The following ARHGAP22 variants were observed in gnomAD, a reference collection of about 807,000 sequenced individuals.
The protein encoded by ARHGAP22 is Rho GTPase activating protein 22, also known as rho GTPase-activating protein 22.
A neutral mutation model predicts 59.1 loss-of-function variants in ARHGAP22; 48 were observed. The observed-to-expected ratio is 0.81, with a 90% CI of 0.64 to 1.03. The LOEUF (loss-of-function observed/expected upper bound fraction) is 1.03, where lower values mean the gene tolerates loss of function less well. ARHGAP22 is among the 50% of genes least tolerant of loss of function. The pLI, the probability that ARHGAP22 is intolerant of heterozygous loss-of-function variation, is 0.00. For missense variants in ARHGAP22, 1,015 were observed against 958.7 expected, an observed-to-expected ratio of 1.06 and a Z score of -0.78; for synonymous variants, 445 against 416.4, an observed-to-expected ratio of 1.07 and a Z score of -0.84.
chr10:48,463,055 A>T (rs2047306912), intron 4 of ARHGAP22, among the ~76,000 whole-genome samples: 1 of 152,250 alleles, frequency 6.6e-6, no homozygotes, highest in Non-Finnish European at 1.5e-5. Flanking sequence ...AGTTATTTAT[A>T]ATCAAGAGAT....
chr10:48,550,439 A>G (rs1158732329), intron 3 of ARHGAP22, among the ~76,000 whole-genome samples: 1 of 152,110 alleles, frequency 6.6e-6, no homozygotes, highest in Non-Finnish European at 1.5e-5. Context: ...AAAGAGGTGG[A>G]CTCCATTTCC....
At chr10:48,619,635 T>G (rs1383578458) in intron 1 of ARHGAP22, among the ~76,000 whole-genome samples, 1 of 152,158 alleles carries the variant, frequency 6.6e-6, no homozygotes, top group Non-Finnish European at 1.5e-5. Context: ...ACTGGATATC[T>G]ATGTGATCTA....
chr10:48,495,450 G>C (rs1290844656), intron 3 of ARHGAP22, among the ~76,000 whole-genome samples: 1 of 152,184 alleles, frequency 6.6e-6, no homozygotes, highest in Non-Finnish European at 1.5e-5. Context: ...TGACTAATAA[G>C]ATGTATCTTC....
At chr10:48,526,128 T>C (rs1564820162) in intron 3 of ARHGAP22, among the ~76,000 whole-genome samples, 1 of 151,812 alleles carries the variant, frequency 6.6e-6, no homozygotes, top group Non-Finnish European at 1.5e-5. Flanking sequence ...CACAATTCCA[T>C]TTGGGGAGAA....
intron 1 of ARHGAP22, among the ~76,000 whole-genome samples, chr10:48,624,593 C>G (rs544835366): frequency 1.8e-4 from 27 of 152,318 alleles, no homozygotes; most frequent in African/African-American, 6.3e-4. Context: ...GCCCAAGTCC[C>G]TTTCCTTCAA....
intron 2 of ARHGAP22, 149 bp downstream of exon 2, chr10:48,582,804 A>G (rs925108883): frequency 5.9e-6 from 5 of 845,844 alleles, no homozygotes; most frequent in Non-Finnish European, 7.2e-6. Context: ...CATGGGGGAT[A>G]AGAATGAAAA....
At chr10:48,597,306 C>T (rs939169328) in intron 1 of ARHGAP22, among the ~76,000 whole-genome samples, 2 of 151,986 alleles carry the variant, frequency 1.3e-5, no homozygotes, top group Non-Finnish European at 2.9e-5. Flanking sequence ...ATTCTCCTAC[C>T]CACGGCCTGT....
At chr10:48,592,572 T>G (rs1201969492) in intron 1 of ARHGAP22, among the ~76,000 whole-genome samples, 1 of 152,196 alleles carries the variant, frequency 6.6e-6, no homozygotes, top group Non-Finnish European at 1.5e-5. Context: ...CCCGTCTTCC[T>G]GACCTCTCAG....
At chr10:48,459,333 A>G (rs1175129136) in intron 5 of ARHGAP22, among the ~76,000 whole-genome samples, 1 of 133,880 alleles carries the variant, frequency 7.5e-6, no homozygotes, top group African/African-American at 2.7e-5. Flanking sequence ...AGCACGGCCA[A>G]GAGACAGACC....
At chr10:48,559,060 C>T (rs116778966) in intron 2 of ARHGAP22, among the ~76,000 whole-genome samples, 1,664 of 152,324 alleles carry the variant, frequency 0.011, 28 homozygotes, top group African/African-American at 0.037. Context: ...GTTTCTGGCA[C>T]CTCAGACAGT....
chr10:48,443,272 G>GTCAAT (rs1001666545), downstream of ARHGAP22, among the ~76,000 whole-genome samples: 113 of 152,172 alleles, frequency 7.4e-4, no homozygotes, highest in African/African-American at 2.6e-3. Context: ...CAAAATGGAA[G>GTCAAT]TCAATTCATG....
chr10:48,522,982 A>G (rs2053948129), intron 3 of ARHGAP22, among the ~76,000 whole-genome samples: 1 of 152,250 alleles, frequency 6.6e-6, no homozygotes, highest in African/African-American at 2.4e-5. Flanking sequence ...TATATATGTT[A>G]TAAGCTACTT....
In ARHGAP22 at chr10:48,459,873, A is replaced by G; in HGVS notation, c.470T>C (p.Leu157Pro). The G allele has an allele frequency of 6.2e-7, 1 of 1,612,582 alleles. No homozygotes were observed. The highest frequency in any genetic ancestry group is 2.2e-5 in the East Asian group (1 of 44,880). The change falls in exon 5 of 10, where the codon CTA becomes CCA. Residue 157 changes from leucine (L) to proline (P), a missense_variant. Coordinates refer to ENST00000249601, the MANE Select transcript of ARHGAP22 (RefSeq NM_021226.4). The part of the protein sequence containing the change: ...PLGGGIFGQR[L>P]EETVHHERKY... The stretch of plus-strand genomic sequence containing the variant: ...CCGCTCGTGGTGGACTGTTTCCTCT[A>G]GGCGCTGCCCAAAGATCCCTGAGCA...
chr10:48,455,700 T>C (rs1041218900), intron 5 of ARHGAP22, among the ~76,000 whole-genome samples: 2 of 152,322 alleles, frequency 1.3e-5, no homozygotes, highest in South Asian at 2.1e-4. Flanking sequence ...AGGCCCTCCA[T>C]AGGTGCTGCC....
chr10:48,618,922 C>A (rs1034392637), intron 1 of ARHGAP22, among the ~76,000 whole-genome samples: 2 of 152,044 alleles, frequency 1.3e-5, no homozygotes, highest in East Asian at 3.8e-4. Context: ...TTCCTCTTTG[C>A]AAATGACATG....
chr10:48,549,932 C>G (rs771528747), intron 3 of ARHGAP22, among the ~76,000 whole-genome samples: 19 of 152,162 alleles, frequency 1.2e-4, no homozygotes, highest in Non-Finnish European at 2.2e-4. Flanking sequence ...AACCACTGCC[C>G]GACACCATTC....
chr10:48,638,059 T>C (rs1450993985), intron 1 of ARHGAP22, among the ~76,000 whole-genome samples: 1 of 152,190 alleles, frequency 6.6e-6, no homozygotes, highest in African/African-American at 2.4e-5. Flanking sequence ...CTTCTCCCTC[T>C]GCCCATCCAC....
intron 1 of ARHGAP22, among the ~76,000 whole-genome samples, chr10:48,615,813 AAT>A (rs2061058728): frequency 6.6e-6 from 1 of 152,192 alleles, no homozygotes; most frequent in African/African-American, 2.4e-5. Context: ...AAAAAGACCA[AAT>A]AGAAATTTAA....
chr10:48,630,115 C>T (rs938187235), intron 1 of ARHGAP22, among the ~76,000 whole-genome samples: 7 of 152,016 alleles, frequency 4.6e-5, no homozygotes, highest in African/African-American at 9.7e-5. Flanking sequence ...TTTTTTCAGA[C>T]GGAGTCTTGC....
Sources: allele counts gnomAD v4.1 joint callset (sites outside exome capture counted in the v4.1 genomes callset), GRCh38; gene constraint gnomAD v4.1.1; transcripts MANE v1.5; gene names NCBI Gene and HGNC (gene_info 2026-07-23, HGNC 2026-07-21).